The following HMGA2 variants were observed in gnomAD, a reference collection of about 807,000 sequenced individuals.
HMGA2 encodes high mobility group AT-hook 2.
In HMGA2, 8 loss-of-function variants were observed where a neutral mutation model predicts 19.1. The observed-to-expected ratio is 0.42, with a 90% CI of 0.25 to 0.76. HMGA2 has a LOEUF of 0.76. Ranked by LOEUF, HMGA2 falls within the 30% of genes least tolerant of loss-of-function variation. The pLI is 0.28. For missense variants in HMGA2, 109 were observed against 136.3 expected (o/e 0.80, Z 1.00); for synonymous variants, 60 against 48.8 (o/e 1.23, Z -0.96).
At chr12:65,952,593 A>C (rs1387867525) in intron 4 of HMGA2, 1 of 1,069,230 alleles carries the variant, frequency 9.4e-7, no homozygotes, top group Non-Finnish European at 1.2e-6. Flanking sequence ...GGGTGCTAAA[A>C]AAAACCCAGT....
At chr12:65,851,577 C>T (rs370401746) in intron 3 of HMGA2, 5 of 388,282 alleles carry the variant, frequency 1.3e-5, no homozygotes, top group African/African-American at 4.3e-5. Flanking sequence ...GTAATTCCAG[C>T]GAGCAGCTTG....
intron 3 of HMGA2, among the ~76,000 whole-genome samples, chr12:65,888,649 C>T (rs1163426793): frequency 7.1e-6 from 1 of 140,482 alleles, no homozygotes; most frequent in Non-Finnish European, 1.5e-5. Flanking sequence ...CTGCAAGCTC[C>T]GCCTCCCGGG....
rs566165063 is a variant in HMGA2, at chr12:65,964,368, A to T, written c.*1076A>T. On this transcript the variant is annotated 3_prime_UTR_variant, in exon 5 of 5. Coordinates refer to ENST00000403681, the MANE Select transcript of HMGA2 (RefSeq NM_003483.6). Reference sequence around the variant, plus strand: ...CTCTCCCTCTCTCTTTTCATTGTGTATCAGTTTCCATGAAAGACCTGAATA... The same window carrying T: ...CTCTCCCTCTCTCTTTTCATTGTGTTTCAGTTTCCATGAAAGACCTGAATA... The T allele has an allele frequency of 8.5e-5, 19 of 224,140 alleles. No homozygotes were observed. The highest frequency in any genetic ancestry group is 4.0e-4 in the African/African-American group (18 of 44,624). 13.9% of individuals were successfully genotyped at this position (224,140 alleles called of 1,614,324 possible).
At chr12:65,877,971 T>C (rs1873139870) in intron 3 of HMGA2, among the ~76,000 whole-genome samples, 1 of 152,206 alleles carries the variant, frequency 6.6e-6, no homozygotes, top group South Asian at 2.1e-4. Context: ...CATTCACTAA[T>C]ATTCTCTGTC....
At chr12:65,881,774 G>T (rs1410767882) in intron 3 of HMGA2, 1 of 703,094 alleles carries the variant, frequency 1.4e-6, no homozygotes, top group Non-Finnish European at 2.6e-6. Context: ...TGCTGGTGAA[G>T]GAAGCCTGCT....
intron 3 of HMGA2, among the ~76,000 whole-genome samples, chr12:65,947,254 G>T (rs1218463408): frequency 9.9e-5 from 15 of 152,036 alleles, no homozygotes; most frequent in Admixed American, 9.8e-4. Context: ...CGAGTAGCTG[G>T]GAGTACAGGC....
intron 3 of HMGA2, among the ~76,000 whole-genome samples, chr12:65,897,982 T>G (rs1344547934): frequency 1.3e-5 from 2 of 150,804 alleles, no homozygotes; most frequent in Non-Finnish European, 1.5e-5. Flanking sequence ...AAAAAAAAAG[T>G]TAAATGATTC....
intron 3 of HMGA2, among the ~76,000 whole-genome samples, chr12:65,870,923 C>T (rs1056143558): frequency 2.0e-5 from 3 of 152,064 alleles, no homozygotes; most frequent in Admixed American, 6.6e-5. Context: ...TGAACCTAAA[C>T]GCTTTGTGGT....
chr12:65,829,753 G>A (rs139229178), intron 2 of HMGA2, among the ~76,000 whole-genome samples: 121 of 151,912 alleles, frequency 8.0e-4, no homozygotes, highest in African/African-American at 2.6e-3. Context: ...CGCTCCCATC[G>A]CCTCCGCTTC....
At chr12:65,854,499 GTGTGTGTGTA>G (rs1565708996) in intron 3 of HMGA2, among the ~76,000 whole-genome samples, 1 of 152,098 alleles carries the variant, frequency 6.6e-6, no homozygotes, top group Non-Finnish European at 1.5e-5. Context: ...GTACTTATTT[GTGTGTGTGTA>G]TGTGTGAGCA....
At position 65,858,054 on chromosome 12, in the gene HMGA2, C is replaced by T. The variant is rs117520590; in HGVS notation, c.249+19485C>T. The T allele has an allele frequency of 7.2e-3, 1,099 of 152,800 alleles. 5 individuals are homozygous for T. The highest frequency in any genetic ancestry group is 9.1e-3 in the Admixed American group (139 of 15,300). 9.5% of individuals were successfully genotyped at this position (152,800 alleles called of 1,614,324 possible). On this transcript the variant is annotated intron_variant, in intron 3 of 4. Transcript: ENST00000403681. ...GCATTTCCTGAGGATTAATGACCAG[C>T]TGGGAGGAACCAGTGGCCCTTGGCT...
Position 65,962,819 on chromosome 12 carries a change from TG to T in HMGA2, c.283-423del, listed in dbSNP as rs973949666. Among the ~76,000 whole-genome samples the T allele has an allele frequency of 3.5e-4, 53 of 152,256 alleles. 1 individual carries two copies. Among genetic ancestry groups the T allele is most frequent in the Admixed American group, 2.9e-3 (44 of 15,298 alleles). On this transcript the variant is annotated intron_variant, in intron 4 of 4. Transcript: ENST00000403681. ...GCTATTATTACCAGTATCTGGAGGG[TG>T]GGTTCATTTATACCTTAAGAAAGGA...
intron 3 of HMGA2, among the ~76,000 whole-genome samples, chr12:65,854,931 G>A (rs1259268806): frequency 2.0e-5 from 3 of 152,172 alleles, no homozygotes; most frequent in Non-Finnish European, 4.4e-5. Flanking sequence ...GGTCTGGCTG[G>A]CCCTGGCAAA....
intron 3 of HMGA2, chr12:65,948,332 C>G (rs896369660): frequency 7.9e-5 from 12 of 152,058 alleles, no homozygotes; most frequent in African/African-American, 2.9e-4. Flanking sequence ...CTCTAGTGGC[C>G]AGTCGTGTTT....
At chr12:65,827,283 T>C (rs1288942508) in intron 1 of HMGA2, among the ~76,000 whole-genome samples, 1 of 152,196 alleles carries the variant, frequency 6.6e-6, no homozygotes, top group Non-Finnish European at 1.5e-5. Context: ...GAAGAAAATA[T>C]GTTTATTTTT....
At chr12:65,839,244 G>T (rs185901818) in intron 3 of HMGA2, among the ~76,000 whole-genome samples, 2 of 152,120 alleles carry the variant, frequency 1.3e-5, no homozygotes, top group East Asian at 3.9e-4. Context: ...GGTCACTGAA[G>T]AGCTTTGCTA....
intron 3 of HMGA2, among the ~76,000 whole-genome samples, chr12:65,907,411 CAAAAAAAA>C (rs762897630): frequency 1.6e-4 from 9 of 54,584 alleles, no homozygotes; most frequent in African/African-American, 3.1e-4. Context: ...GATTCCGTCT[CAAAAAAAA>C]AAAAAAAAAA....
chr12:65,933,998 T>C (rs1339697139), intron 3 of HMGA2, among the ~76,000 whole-genome samples: 30 of 152,200 alleles, frequency 2.0e-4, no homozygotes, highest in Admixed American at 2.0e-3. Context: ...TAAACTCCTA[T>C]ATCAACTATA....
intron 3 of HMGA2, 60 bp downstream of exon 3, chr12:65,838,629 A>G: frequency 8.1e-7 from 1 of 1,239,222 alleles, no homozygotes; most frequent in Non-Finnish European, 1.2e-6. Flanking sequence ...GTTGTATTAA[A>G]TGAGAAAAGT....
Sources: allele counts gnomAD v4.1 joint callset (sites outside exome capture counted in the v4.1 genomes callset), GRCh38; gene constraint gnomAD v4.1.1; transcripts MANE v1.5; gene names NCBI Gene and HGNC (gene_info 2026-07-23, HGNC 2026-07-21).